The following ZNF385D variants were observed in gnomAD, a reference collection of about 807,000 sequenced individuals.
ZNF385D encodes the protein zinc finger protein 659.
A neutral mutation model predicts 35.8 loss-of-function variants in ZNF385D; 15 were observed. The ratio of observed to expected loss-of-function variants is 0.42; its 90% CI spans 0.28 to 0.64. The LOEUF (loss-of-function observed/expected upper bound fraction) is 0.64. ZNF385D is among the 30% of genes least tolerant of loss of function. The pLI, the probability that ZNF385D is intolerant of heterozygous loss-of-function variation, is 0.23. For missense variants in ZNF385D, 474 were observed against 494.6 expected (o/e 0.96, Z 0.39); for synonymous variants, 212 against 186.8 (o/e 1.13, Z -1.10).
intron 3 of ZNF385D, among the ~76,000 whole-genome samples, chr3:21,911,349 G>C (rs1279132667): frequency 1.3e-5 from 2 of 151,974 alleles, no homozygotes; most frequent in Non-Finnish European, 2.9e-5. Flanking sequence ...AGAATGTAAA[G>C]TGTTTTGTAG....
At chr3:21,926,186 C>A (rs1575932630) in intron 3 of ZNF385D, among the ~76,000 whole-genome samples, 3 of 151,780 alleles carry the variant, frequency 2.0e-5, no homozygotes, top group Non-Finnish European at 4.4e-5. Context: ...GCAGATTTTG[C>A]AGGTTTGTTA....
chr3:22,168,893 T>G (rs909198390), exon 3 of ZNF385D: 3 of 985,768 alleles, frequency 3.0e-6, no homozygotes, highest in Non-Finnish European at 3.6e-6. Flanking sequence ...AGTGGATTTG[T>G]GCTTGAGCGG....
chr3:21,610,614 C>CAA (rs546208715), intron 2 of ZNF385D, among the ~76,000 whole-genome samples: 1 of 145,770 alleles, frequency 6.9e-6, no homozygotes, highest in African/African-American at 2.5e-5. Context: ...ACTAAACATA[C>CAA]AAAAAAAAAA....
At chr3:21,968,960 G>A (rs572239030) in intron 3 of ZNF385D, among the ~76,000 whole-genome samples, 1 of 152,298 alleles carries the variant, frequency 6.6e-6, no homozygotes, top group South Asian at 2.1e-4. Flanking sequence ...TGATATTGCT[G>A]GACTTGGCTT....
intron 3 of ZNF385D, among the ~76,000 whole-genome samples, chr3:21,876,257 A>C (rs1697959514): frequency 6.6e-6 from 1 of 151,748 alleles, no homozygotes; most frequent in African/African-American, 2.4e-5. Flanking sequence ...TTTTTATTCC[A>C]AATCTGGTGT....
chr3:22,304,403 AATTTT>A (rs1703090233), intron 2 of ZNF385D, among the ~76,000 whole-genome samples: 2 of 152,118 alleles, frequency 1.3e-5, no homozygotes, highest in African/African-American at 4.8e-5. Flanking sequence ...TTGACATGCA[AATTTT>A]ATTTTTTGCT....
chr3:22,346,089 G>T (rs1362292738), intron 2 of ZNF385D, among the ~76,000 whole-genome samples: 1 of 152,128 alleles, frequency 6.6e-6, no homozygotes, highest in Non-Finnish European at 1.5e-5. Flanking sequence ...GCTGAAAATG[G>T]AAATTGAATG....
intron 3 of ZNF385D, among the ~76,000 whole-genome samples, chr3:21,876,914 G>A (rs1028531064): frequency 3.9e-5 from 6 of 151,980 alleles, no homozygotes; most frequent in Non-Finnish European, 7.4e-5. Flanking sequence ...TTTACATTAT[G>A]TGTTTGCCCA....
At chr3:21,834,329 G>A (rs1214236609) in intron 3 of ZNF385D, among the ~76,000 whole-genome samples, 1 of 152,140 alleles carries the variant, frequency 6.6e-6, no homozygotes, top group Admixed American at 6.5e-5. Context: ...GAAAGATGTG[G>A]CTCAGGAATA....
At chr3:21,648,781 G>A (rs2125208723) in intron 2 of ZNF385D, among the ~76,000 whole-genome samples, 1 of 152,208 alleles carries the variant, frequency 6.6e-6, no homozygotes, top group East Asian at 1.9e-4. Flanking sequence ...AGCTACCCAA[G>A]ACAAGTACAG....
chr3:22,025,925 TG>T (rs1697517282), intron 3 of ZNF385D, among the ~76,000 whole-genome samples: 1 of 152,132 alleles, frequency 6.6e-6, no homozygotes, highest in Non-Finnish European at 1.5e-5. Context: ...AAATACTATA[TG>T]AATAATTGGA....
intron 3 of ZNF385D, among the ~76,000 whole-genome samples, chr3:21,879,907 G>T (rs930276309): frequency 7.2e-5 from 11 of 151,970 alleles, no homozygotes; most frequent in Admixed American, 5.3e-4. Context: ...GAATGTGCAA[G>T]TGGGGGAACA....
In ZNF385D at chr3:21,421,111, G is replaced by A; in HGVS notation, c.*103C>T. 1 of 685,462 alleles carries A rather than the reference G, an allele frequency of 1.5e-6. No homozygotes were observed. The highest frequency in any genetic ancestry group is 2.0e-6 in the Non-Finnish European group (1 of 496,736). The allele number at this position is 685,462 out of a possible 1,614,324, so 42.5% of individuals were successfully genotyped here. On this transcript the variant is annotated 3_prime_UTR_variant, in exon 8 of 8. Coordinates refer to ENST00000281523, the MANE Select transcript of ZNF385D (RefSeq NM_024697.3). ...CACTATCAAAAGTCCTGGCTCTTCA[G>A]ATATACTTTAAACTATAAATAAACA...
intron 2 of ZNF385D, among the ~76,000 whole-genome samples, chr3:21,568,615 C>T (rs992629743): frequency 2.0e-5 from 3 of 152,104 alleles, no homozygotes; most frequent in African/African-American, 7.2e-5. Flanking sequence ...CGAGGTACTA[C>T]AGCCTAGACA....
intron 3 of ZNF385D, among the ~76,000 whole-genome samples, chr3:21,841,065 T>C (rs1318983030): frequency 6.6e-6 from 1 of 151,950 alleles, no homozygotes; most frequent in Non-Finnish European, 1.5e-5. Flanking sequence ...AAGAGACTGT[T>C]AGCAAGTTTC....
intron 1 of ZNF385D, among the ~76,000 whole-genome samples, chr3:21,712,636 G>A (rs4485737): frequency 0.69 from 105,633 of 152,090 alleles, 36,763 homozygotes; most frequent in East Asian, 0.74. Context: ...TTCTAATGTG[G>A]AAGTTTCATG....
chr3:22,177,992 C>T (rs961696447), intron 2 of ZNF385D, among the ~76,000 whole-genome samples: 46 of 152,272 alleles, frequency 3.0e-4, no homozygotes, highest in Non-Finnish European at 5.7e-4. Flanking sequence ...CATTGTTGGA[C>T]ATTTGGGTTG....
chr3:21,923,617 T>A (rs917008888), intron 3 of ZNF385D, among the ~76,000 whole-genome samples: 1 of 152,202 alleles, frequency 6.6e-6, no homozygotes, highest in African/African-American at 2.4e-5. Context: ...TAGGTGTTTA[T>A]CAGTGGTGGA....
intron 3 of ZNF385D, among the ~76,000 whole-genome samples, chr3:22,102,529 G>T (rs1381343343): frequency 6.6e-6 from 1 of 151,988 alleles, no homozygotes; most frequent in Non-Finnish European, 1.5e-5. Flanking sequence ...AACCAGGGAA[G>T]GCTATCCCTT....
Sources: gnomAD v4.1 joint callset for allele counts (sites outside exome capture counted in the v4.1 genomes callset) on GRCh38, gnomAD v4.1.1 for gene constraint, MANE v1.5 for transcripts, NCBI Gene and HGNC (gene_info 2026-07-23, HGNC 2026-07-21) for gene names.